CNTNAP3: variants seen among roughly 807,000 people sequenced by gnomAD.
CNTNAP3 encodes contactin associated protein family member 3.
Under a neutral mutation model 92.1 loss-of-function variants are expected in CNTNAP3, and 36 were observed. That is an observed-to-expected ratio of 0.39 (90% confidence interval 0.30 to 0.52). The LOEUF (loss-of-function observed/expected upper bound fraction) is 0.52. Among genes scored for constraint, CNTNAP3 ranks in the 20% least tolerant of loss-of-function variants. The pLI, the probability that CNTNAP3 is intolerant of heterozygous loss-of-function variation, is 0.76. For missense variants in CNTNAP3, 534 were observed against 1,069.6 expected (o/e 0.50, Z 6.98); for synonymous variants, 232 against 422.3 (o/e 0.55, Z 5.53).
At chr9:39,125,994 T>C (rs1007975311) in intron 13 of CNTNAP3, among the ~76,000 whole-genome samples, 19 of 152,176 alleles carry the variant, frequency 1.2e-4, no homozygotes, top group African/African-American at 3.9e-4. Flanking sequence ...TCTAACTGAA[T>C]ACTTTAGAAT....
intron 9 of CNTNAP3, among the ~76,000 whole-genome samples, chr9:39,161,533 G>A (rs897887519): frequency 3.4e-5 from 2 of 59,276 alleles, no homozygotes; most frequent in Non-Finnish European, 3.0e-5. Flanking sequence ...AATGTAAAAC[G>A]TGTCAGGTGC....
intron 10 of CNTNAP3, among the ~76,000 whole-genome samples, chr9:39,146,461 G>A (rs1489295295): frequency 3.9e-5 from 6 of 152,284 alleles, no homozygotes; most frequent in Middle Eastern, 3.4e-3. Context: ...AAGCTGACGC[G>A]GGTGGATGAC....
chr9:39,109,053 T>C (rs1826677250), intron 15 of CNTNAP3, 107 bp downstream of exon 15: 3 of 1,473,640 alleles, frequency 2.0e-6, no homozygotes, highest in Admixed American at 2.5e-5. Context: ...GCCCCAGTCC[T>C]AGTACTGCCA....
intron 23 of CNTNAP3, among the ~76,000 whole-genome samples, chr9:39,077,733 G>A (rs1825817482): frequency 1.3e-5 from 2 of 152,200 alleles, no homozygotes; most frequent in South Asian, 2.1e-4. Flanking sequence ...CTTCAGGTCC[G>A]TCCAACAGTT....
Position 39,159,411 on chromosome 9 carries a change from AT to A in CNTNAP3, c.1477+6521del, listed in dbSNP as rs1554651724. 513 of 129,338 alleles carry A rather than the reference AT, an allele frequency of 4.0e-3. 9 individuals are homozygous for A. The highest frequency in any genetic ancestry group is 0.014 in the African/African-American group (476 of 34,402). The allele number at this position is 129,338 out of a possible 1,614,324, so 8.0% of individuals were successfully genotyped here. On this transcript the variant is annotated intron_variant, in intron 9 of 23. Coordinates refer to ENST00000297668, the MANE Select transcript of CNTNAP3 (RefSeq NM_033655.5). The stretch of plus-strand genomic sequence containing the variant: ...TAAAAAACATTTTATATATATATAT[AT>A]TTTTTTTTCCAGTGATTATCCTGCC...
intron 23 of CNTNAP3, among the ~76,000 whole-genome samples, chr9:39,075,565 C>T (rs942592027): frequency 6.6e-6 from 1 of 152,416 alleles, no homozygotes; most frequent in Non-Finnish European, 1.5e-5. Context: ...ATCCTCCCCT[C>T]TTTTCATCTA....
chr9:39,119,063 G>A lies in CNTNAP3; in HGVS notation c.2081-804C>T, dbSNP rs552101254. Among the ~76,000 whole-genome samples, 206 of 152,206 alleles carry A rather than the reference G, an allele frequency of 1.4e-3. 2 individuals carry two copies. The highest frequency in any genetic ancestry group is 2.5e-3 in the Non-Finnish European group (168 of 68,012). ...AAAGTTAGGATAATTTAAAAAGCAGGTGTCAGGCCACCTATCTTAAAAAAG... is the reference window on the plus strand; with the variant it reads ...AAAGTTAGGATAATTTAAAAAGCAGATGTCAGGCCACCTATCTTAAAAAAG... On this transcript the variant is annotated intron_variant, in intron 13 of 23. Transcript: ENST00000297668.
At position 39,072,364 on chromosome 9, in the gene CNTNAP3, G is replaced by A. The variant is rs142604574; in HGVS notation, c.*1526C>T. Among the ~76,000 whole-genome samples the A allele has an allele frequency of 0.14, 20,980 of 145,832 alleles. 1,909 individuals carry two copies. The highest frequency in any genetic ancestry group is 0.24 in the East Asian group (1,188 of 4,924). On this transcript the variant is annotated 3_prime_UTR_variant, in exon 24 of 24. Transcript: ENST00000297668. ...AGTCCTTGGTAGGCAGTTGGTATCT[G>A]GAATATGAAGAGTGTAGCATCATTG... is the stretch of plus-strand genomic sequence containing the variant.
At position 39,066,045 on chromosome 9, in the gene CNTNAP3, T is replaced by C. The variant is rs1390160830; in HGVS notation, c.*7845A>G. Among the ~76,000 whole-genome samples, 1 of 152,248 alleles carries C rather than the reference T, an allele frequency of 6.6e-6. No individual in the cohort carries two copies. The highest frequency in any genetic ancestry group is 2.4e-5 in the African/African-American group (1 of 41,462). On this transcript the variant is annotated 3_prime_UTR_variant, in exon 24 of 24. Transcript: ENST00000297668. Reference sequence around the variant, plus strand: ...TTTGTTCTTTGTCCTCTTTCTCATCTTTTTTGTCTACTTTCAAGCATTTAA... The same window carrying C: ...TTTGTTCTTTGTCCTCTTTCTCATCCTTTTTGTCTACTTTCAAGCATTTAA...
rs1491327731 is a variant in CNTNAP3 at position 39,082,097 on chromosome 9, AAC to A, written c.3443-3179_3443-3178del. On this transcript the variant is annotated intron_variant, in intron 21 of 23. Transcript: ENST00000297668. ...GTGAAACTCGATCTCAAAAAAAAAAAACAAAGAAACTCAAATCAATTAAAATT... is the reference window on the plus strand; with the variant it reads ...GTGAAACTCGATCTCAAAAAAAAAAAAAAGAAACTCAAATCAATTAAAATT... Among the ~76,000 whole-genome samples, 297 of 148,006 alleles carry A rather than the reference AAC, an allele frequency of 2.0e-3. 12 individuals carry two copies. Among genetic ancestry groups the A allele is most frequent in the African/African-American group, 6.8e-3 (274 of 40,508 alleles).
At chr9:39,174,390 T>C (rs1049237938) in intron 7 of CNTNAP3, 84 of 637,734 alleles carry the variant, frequency 1.3e-4, no homozygotes, top group Non-Finnish European at 1.7e-5. Flanking sequence ...TTTTTTTTTT[T>C]TCTCCTTTAC....
chr9:39,082,327 A>G (rs1421372019), intron 21 of CNTNAP3, among the ~76,000 whole-genome samples: 1 of 151,600 alleles, frequency 6.6e-6, no homozygotes, highest in African/African-American at 2.4e-5. Flanking sequence ...TGTGATGCCC[A>G]CTGAATCCTG....
At chr9:39,124,133 T>C (rs1821101294) in intron 13 of CNTNAP3, among the ~76,000 whole-genome samples, 1 of 151,910 alleles carries the variant, frequency 6.6e-6, no homozygotes, top group African/African-American at 2.4e-5. Context: ...ATGATAATAA[T>C]GTAATACAAA....
At chr9:39,205,086 C>T (rs1389391238) in intron 3 of CNTNAP3, among the ~76,000 whole-genome samples, 2 of 33,238 alleles carry the variant, frequency 6.0e-5, no homozygotes, top group Non-Finnish European at 9.5e-5. Context: ...GTCATAATAA[C>T]CATAATCACC....
chr9:39,108,308 G>A (rs1480698142), intron 15 of CNTNAP3, among the ~76,000 whole-genome samples: 2 of 151,738 alleles, frequency 1.3e-5, no homozygotes, highest in Non-Finnish European at 2.9e-5. Context: ...CGCATCGATA[G>A]TGATGTTGTG....
At chr9:39,142,291 G>A (rs1402145347) in intron 11 of CNTNAP3, among the ~76,000 whole-genome samples, 2 of 152,280 alleles carry the variant, frequency 1.3e-5, no homozygotes, top group East Asian at 1.9e-4. Flanking sequence ...AAGATACACA[G>A]AAGTAAAAGA....
intron 12 of CNTNAP3, among the ~76,000 whole-genome samples, chr9:39,135,486 G>GT (rs1821407305): frequency 6.6e-6 from 1 of 152,042 alleles, no homozygotes; most frequent in South Asian, 2.1e-4. Flanking sequence ...CAGAAGGAGG[G>GT]TAACTGTAAC....
chr9:39,106,787 G>A (rs1292786739), intron 15 of CNTNAP3, among the ~76,000 whole-genome samples: 2 of 151,998 alleles, frequency 1.3e-5, no homozygotes, highest in Non-Finnish European at 2.9e-5. Flanking sequence ...GTATCAATAG[G>A]CAGGGGAAAA....
At chr9:39,108,229 G>A (rs1291984782) in intron 15 of CNTNAP3, among the ~76,000 whole-genome samples, 6 of 119,042 alleles carry the variant, frequency 5.0e-5, no homozygotes, top group African/African-American at 3.4e-5. Flanking sequence ...GGAGCCCCCA[G>A]ACAAGGGTCC....
Sources: gnomAD v4.1 joint callset for allele counts (sites outside exome capture counted in the v4.1 genomes callset) on GRCh38, gnomAD v4.1.1 for gene constraint, MANE v1.5 for transcripts, NCBI Gene and HGNC (gene_info 2026-07-23, HGNC 2026-07-21) for gene names.